ALOX5: variants seen among roughly 807,000 people sequenced by gnomAD.
ALOX5 encodes polyunsaturated fatty acid 5-lipoxygenase.
A neutral mutation model predicts 87.9 loss-of-function variants in ALOX5; 64 were observed. That is an observed-to-expected ratio of 0.73 (90% confidence interval 0.60 to 0.90). The LOEUF (loss-of-function observed/expected upper bound fraction) is 0.90, where lower values mean the gene tolerates loss of function less well. Among genes scored for constraint, ALOX5 ranks in the 40% least tolerant of loss-of-function variants. The probability of loss-of-function intolerance (pLI) is 0.00; values close to 1 mark genes in which losing one functional copy is unlikely to be tolerated. For synonymous variants in ALOX5, 388 were observed against 355.1 expected (o/e 1.09, Z -1.04); for missense variants, 822 against 907.5 (o/e 0.91, Z 1.21).
intron 6 of ALOX5, among the ~76,000 whole-genome samples, chr10:45,427,684 G>C (rs556276431): frequency 6.6e-6 from 1 of 152,170 alleles, no homozygotes; most frequent in Non-Finnish European, 1.5e-5. Flanking sequence ...AACAGAAAAG[G>C]CTTCAGAAGG....
intron 1 of ALOX5, among the ~76,000 whole-genome samples, chr10:45,375,837 G>A (rs1839586245): frequency 6.6e-6 from 1 of 152,320 alleles, no homozygotes; most frequent in East Asian, 1.9e-4. Context: ...GCCCCAGTCG[G>A]GGAACTGACC....
intron 13 of ALOX5, chr10:45,444,615 A>G (rs534823037): frequency 5.8e-6 from 2 of 342,120 alleles, no homozygotes; most frequent in Admixed American, 9.1e-5. Context: ...AATGACCAAG[A>G]GTTTCCTGGG....
intron 3 of ALOX5, among the ~76,000 whole-genome samples, chr10:45,411,179 A>G (rs968598245): frequency 1.4e-4 from 22 of 152,256 alleles, no homozygotes; most frequent in Admixed American, 1.2e-3. Context: ...TAATTAGCAT[A>G]TAATGAGTGG....
intron 13 of ALOX5, chr10:45,444,516 C>A: frequency 1.9e-6 from 1 of 522,284 alleles, no homozygotes; most frequent in Non-Finnish European, 3.2e-6. Flanking sequence ...GCTTTGCTCA[C>A]TGTCACCAGA....
intron 3 of ALOX5, among the ~76,000 whole-genome samples, chr10:45,406,234 G>T (rs12247314): frequency 0.025 from 3,777 of 152,262 alleles, 158 homozygotes; most frequent in African/African-American, 0.086. Context: ...GAGAATAGTA[G>T]TAGGCACATA....
chr10:45,417,700 A>G (rs57318980), intron 4 of ALOX5, among the ~76,000 whole-genome samples: 2,591 of 152,316 alleles, frequency 0.017, 68 homozygotes, highest in African/African-American at 0.059. Flanking sequence ...CTGCCCAGAA[A>G]TGGAGATACA....
chr10:45,424,639 G>A (rs1229191725), intron 5 of ALOX5, among the ~76,000 whole-genome samples: 1 of 152,156 alleles, frequency 6.6e-6, no homozygotes, highest in East Asian at 1.9e-4. Context: ...CAGGACATGG[G>A]GAACCAAACT....
intron 5 of ALOX5, 148 bp from the exon 6 acceptor site, chr10:45,424,812 G>T: frequency 1.1e-6 from 1 of 923,884 alleles, no homozygotes; most frequent in East Asian, 2.5e-5. Context: ...TGATGGGCAG[G>T]GGGCAGCAGT....
intron 2 of ALOX5, among the ~76,000 whole-genome samples, chr10:45,391,310 G>C (rs1840239750): frequency 6.6e-6 from 1 of 152,220 alleles, no homozygotes; most frequent in African/African-American, 2.4e-5. Flanking sequence ...GGCCAGGCTG[G>C]TCTCCAGCTC....
intron 3 of ALOX5, 75 bp downstream of exon 3, chr10:45,396,011 C>T: frequency 6.8e-7 from 1 of 1,478,098 alleles, no homozygotes; most frequent in Non-Finnish European, 9.4e-7. Flanking sequence ...ATGAAATAAA[C>T]CCTTTCCACA....
intron 4 of ALOX5, among the ~76,000 whole-genome samples, chr10:45,414,696 A>C (rs1030554059): frequency 6.6e-6 from 1 of 152,236 alleles, no homozygotes; most frequent in Non-Finnish European, 1.5e-5. Flanking sequence ...TCAGCTGACA[A>C]AAGGCTGATA....
At position 45,435,158 on chromosome 10, in the gene ALOX5, G is replaced by A. The variant is rs1340043515; in HGVS notation, c.982-5272G>A. On this transcript the variant is annotated intron_variant, in intron 7 of 13. Transcript: ENST00000374391. ...TCAAGGAGATGGGCAGGTGAGGCCC[G>A]GTCAGGCCGGGAGGTGAAGAGAAGC... is the stretch of plus-strand genomic sequence containing the variant. Among the ~76,000 whole-genome samples the A allele has an allele frequency of 2.6e-5, 4 of 152,268 alleles. 1 individual carries two copies. The highest frequency in any genetic ancestry group is 4.8e-5 in the African/African-American group (2 of 41,560).
Position 45,424,821 on chromosome 10 carries a change from G to A in ALOX5, c.662-139G>A. 6.0e-6 allele frequency: 6 copies of A among 1,003,070 alleles called. No individual in the cohort carries two copies. In the South Asian group the frequency reaches 9.5e-5, roughly 16 times the overall value. The allele number at this position is 1,003,070 out of a possible 1,614,324, so 62.1% of individuals were successfully genotyped here. A position where few individuals can be genotyped will look rare whatever the true frequency, so the allele number is the denominator to read the frequency against. On this transcript the variant is annotated intron_variant, in intron 5 of 13. Coordinates refer to ENST00000374391, the MANE Select transcript of ALOX5 (RefSeq NM_000698.5). ...ACCCAGTGATGGGCAGGGGGCAGCAGTTGGAGCTGTGCCCATCCAGGGAGC... is the reference window on the plus strand; with the variant it reads ...ACCCAGTGATGGGCAGGGGGCAGCAATTGGAGCTGTGCCCATCCAGGGAGC...
At chr10:45,431,087 A>G (rs1297428549) in intron 7 of ALOX5, among the ~76,000 whole-genome samples, 6 of 152,238 alleles carry the variant, frequency 3.9e-5, no homozygotes, top group Non-Finnish European at 7.3e-5. Context: ...ACCATAATTT[A>G]TTATACCCAT....
intron 3 of ALOX5, among the ~76,000 whole-genome samples, chr10:45,408,903 T>C (rs1013905993): frequency 6.6e-6 from 1 of 152,248 alleles, no homozygotes; most frequent in Admixed American, 6.5e-5. Context: ...AGGTGCTCCA[T>C]AATTAGTTGT....
chr10:45,430,054 G>C (rs151086840), intron 7 of ALOX5, among the ~76,000 whole-genome samples: 164 of 152,286 alleles, frequency 1.1e-3, no homozygotes, highest in African/African-American at 3.8e-3. Context: ...GAAGCCCTGT[G>C]CCTAAGAAAC....
chr10:45,385,210 G>A (rs115074014), intron 2 of ALOX5, among the ~76,000 whole-genome samples: 5,817 of 152,218 alleles, frequency 0.038, 359 homozygotes, highest in African/African-American at 0.13. Context: ...TGGAAATGAG[G>A]GGGGCCAGCC....
intron 2 of ALOX5, among the ~76,000 whole-genome samples, chr10:45,395,591 A>T (rs1840469070): frequency 7.2e-6 from 1 of 139,500 alleles, no homozygotes; most frequent in African/African-American, 2.8e-5. Flanking sequence ...TGTATCCTAG[A>T]ACTTAAAGTA....
chr10:45,388,769 C>G (rs1840090217), intron 2 of ALOX5, among the ~76,000 whole-genome samples: 1 of 152,230 alleles, frequency 6.6e-6, no homozygotes, highest in South Asian at 2.1e-4. Context: ...GCTGAACATT[C>G]TACAAATCAG....
Sources: gnomAD v4.1 joint callset for allele counts (sites outside exome capture counted in the v4.1 genomes callset) on GRCh38, gnomAD v4.1.1 for gene constraint, MANE v1.5 for transcripts, NCBI Gene and HGNC (gene_info 2026-07-23, HGNC 2026-07-21) for gene names.